The following FBXO11 variants were observed in gnomAD, a reference collection of about 807,000 sequenced individuals.
FBXO11 encodes F-box only protein 11.
A neutral mutation model predicts 117.0 loss-of-function variants in FBXO11; 13 were observed. The ratio of observed to expected loss-of-function variants is 0.11; its 90% CI spans 0.07 to 0.18. FBXO11 has a LOEUF of 0.18. Ranked by LOEUF, FBXO11 falls within the 10% of genes least tolerant of loss-of-function variation. FBXO11 has a pLI of 1.00. For synonymous variants in FBXO11, 490 were observed against 380.5 expected (o/e 1.29, Z -3.35); for missense variants, 767 against 1,164.4 (o/e 0.66, Z 4.97).
At chr2:47,853,559 G>A (rs1443236710) in intron 1 of FBXO11, among the ~76,000 whole-genome samples, 1 of 152,000 alleles carries the variant, frequency 6.6e-6, no homozygotes, top group Non-Finnish European at 1.5e-5. Context: ...AAAAAAAACT[G>A]GCTCTTGGTT....
chr2:47,848,223 C>T (rs888970595), intron 1 of FBXO11, among the ~76,000 whole-genome samples: 1 of 152,158 alleles, frequency 6.6e-6, no homozygotes, highest in Non-Finnish European at 1.5e-5. Flanking sequence ...AGATCCCCAA[C>T]CCCGGGGCCA....
At chr2:47,851,429 A>C (rs1673851732) in intron 1 of FBXO11, among the ~76,000 whole-genome samples, 1 of 152,064 alleles carries the variant, frequency 6.6e-6, no homozygotes, top group African/African-American at 2.4e-5. Flanking sequence ...GGGTTTCACT[A>C]TGCTGGCCAG....
intron 1 of FBXO11, among the ~76,000 whole-genome samples, chr2:47,860,026 C>G (rs932223777): frequency 1.3e-5 from 2 of 152,134 alleles, no homozygotes; most frequent in Non-Finnish European, 2.9e-5. Flanking sequence ...CCTCTCTTCT[C>G]TGATAAACCG....
chr2:47,888,001 A>T (rs1162746606), intron 1 of FBXO11, among the ~76,000 whole-genome samples: 2 of 151,894 alleles, frequency 1.3e-5, no homozygotes, highest in Non-Finnish European at 2.9e-5. Flanking sequence ...TGGGTGAGAG[A>T]GTGAAACCTT....
intron 1 of FBXO11, among the ~76,000 whole-genome samples, chr2:47,900,488 T>A (rs1256200065): frequency 6.6e-6 from 1 of 151,814 alleles, no homozygotes; most frequent in Non-Finnish European, 1.5e-5. Context: ...GAGTGTCTCC[T>A]GGCTGCTGCA....
rs746953076 is a variant in FBXO11 at position 47,905,551 on chromosome 2, G to GGCTGCTGCT, written c.161_169dup (p.Gln54_Gln56dup). The stretch of plus-strand genomic sequence containing the variant: ...CGGAGGCGGCGGTGGCGGCGGCGGA[G>GGCTGCTGCT]GCTGCTGCTGCTGCTGCTGCTGCGG... On this transcript the variant is annotated inframe_insertion, in exon 1 of 23. Coordinates refer to ENST00000403359, the MANE Select transcript of FBXO11 (RefSeq NM_001190274.2). 238 of 1,239,736 alleles carry GGCTGCTGCT rather than the reference G, an allele frequency of 1.9e-4. No individual in the cohort carries two copies. The East Asian group carries it at 5.1e-3, about 27-fold the overall frequency. The allele number at this position is 1,239,736 out of a possible 1,614,324, so 76.8% of individuals were successfully genotyped here.
chr2:47,865,802 T>G (rs940764184), intron 1 of FBXO11: 1 of 152,174 alleles, frequency 6.6e-6, no homozygotes, highest in African/African-American at 2.4e-5. Context: ...TATATGATTG[T>G]GGGCAGACAC....
chr2:47,836,417 G>A (rs1480808784), intron 4 of FBXO11, among the ~76,000 whole-genome samples: 1 of 152,018 alleles, frequency 6.6e-6, no homozygotes, highest in Non-Finnish European at 1.5e-5. Flanking sequence ...CACCCAGGCT[G>A]GAGTGCAGTG....
At chr2:47,840,258 T>A (rs1364940558) in intron 1 of FBXO11, among the ~76,000 whole-genome samples, 1 of 151,856 alleles carries the variant, frequency 6.6e-6, no homozygotes, top group Non-Finnish European at 1.5e-5. Context: ...AGACTTTTTT[T>A]TAAAAAAAGG....
chr2:47,813,634 T>C (rs1416912231), intron 17 of FBXO11, among the ~76,000 whole-genome samples, 157 bp downstream of exon 17: 2 of 151,998 alleles, frequency 1.3e-5, no homozygotes, highest in African/African-American at 4.8e-5. Flanking sequence ...GGTTTCACCA[T>C]GTTGGCCAGG....
chr2:47,872,858 A>C (rs1490447421), intron 1 of FBXO11, among the ~76,000 whole-genome samples: 1 of 152,222 alleles, frequency 6.6e-6, no homozygotes, highest in Admixed American at 6.5e-5. Flanking sequence ...TTTTCCACAA[A>C]AATTATGTCA....
intron 1 of FBXO11, among the ~76,000 whole-genome samples, chr2:47,897,057 G>T (rs1677721887): frequency 1.3e-5 from 2 of 151,854 alleles, no homozygotes; most frequent in Non-Finnish European, 2.9e-5. Flanking sequence ...CAATTATGTG[G>T]GAAGAAACAA....
chr2:47,827,081 G>A (rs995621230), intron 11 of FBXO11, among the ~76,000 whole-genome samples: 9 of 152,158 alleles, frequency 5.9e-5, no homozygotes, highest in African/African-American at 2.2e-4. Context: ...CAAATATGGA[G>A]TTTATAATCT....
chr2:47,806,996 T>A lies in FBXO11; in HGVS notation c.*1122A>T, dbSNP rs929839493. The A allele has an allele frequency of 1.4e-6, 1 of 718,142 alleles. No homozygotes were observed. Among genetic ancestry groups the A allele is most frequent in the Non-Finnish European group, 2.4e-6 (1 of 411,422 alleles). 44.5% of individuals were successfully genotyped at this position (718,142 alleles called of 1,614,324 possible). ...TTCTAGGAAATTAAACCCTTTTAAT[T>A]CTTATCTACCTTCTACATAATGGTT... On this transcript the variant is annotated 3_prime_UTR_variant, in exon 23 of 23. Coordinates refer to ENST00000403359, the MANE Select transcript of FBXO11 (RefSeq NM_001190274.2).
intron 16 of FBXO11, among the ~76,000 whole-genome samples, chr2:47,815,943 C>A (rs1670974624): frequency 6.6e-6 from 1 of 152,164 alleles, no homozygotes; most frequent in Non-Finnish European, 1.5e-5. Context: ...CCATGCATGG[C>A]CCACGCTGGC....
chr2:47,808,431 A>C lies in FBXO11; in HGVS notation c.2556-4T>G, dbSNP rs754275245. ...TGTGGTGTTACAAGTATGACATCTA[A>C]AAAGCAAAAGCTTAAATTACTTTTC... On this transcript the variant is annotated splice_region_variant and splice_polypyrimidine_tract_variant and intron_variant, in intron 21 of 22. Coordinates refer to ENST00000403359, the MANE Select transcript of FBXO11 (RefSeq NM_001190274.2). The C allele has an allele frequency of 3.2e-6, 5 of 1,577,054 alleles. No homozygotes were observed. In the East Asian group the frequency reaches 1.1e-4, roughly 35 times the overall value.
intron 21 of FBXO11, 27 bp from the exon 22 acceptor site, chr2:47,808,454 T>C: frequency 3.2e-6 from 5 of 1,543,544 alleles, no homozygotes; most frequent in Non-Finnish European, 4.4e-6. Flanking sequence ...TAAATTACTT[T>C]TCTCAAACAT....
In FBXO11 at chr2:47,818,995, A is replaced by C. The variant is rs771214799; in HGVS notation, c.1881T>G (p.Thr627=). ...GTATCCGGTTTCTTCTCAGTACTGG[A>C]GTGCTGCCAGTTGTCACCCAGACTC... ...LAGVWVTTGS[T]PVLRRNRIHS... is the part of the protein sequence containing the mutation. Residue 627 remains threonine, a synonymous_variant, in exon 15 of 23, where the codon ACT becomes ACG. Transcript: ENST00000403359. 5 of 1,613,860 alleles carry C rather than the reference A, an allele frequency of 3.1e-6. No individual in the cohort carries two copies. Among genetic ancestry groups the C allele is most frequent in the Non-Finnish European group, 4.2e-6 (5 of 1,179,990 alleles).
chr2:47,859,437 A>C (rs900943121), intron 1 of FBXO11, among the ~76,000 whole-genome samples: 1 of 152,230 alleles, frequency 6.6e-6, no homozygotes, highest in Non-Finnish European at 1.5e-5. Flanking sequence ...AGATTAAACT[A>C]ATTTCACCGA....
Sources: gnomAD v4.1 joint callset for allele counts (sites outside exome capture counted in the v4.1 genomes callset) on GRCh38, gnomAD v4.1.1 for gene constraint, MANE v1.5 for transcripts, NCBI Gene and HGNC (gene_info 2026-07-23, HGNC 2026-07-21) for gene names.